ZFPM2: variants seen among roughly 807,000 people sequenced by gnomAD.
ZFPM2 encodes the protein zinc finger protein, FOG family member 2.
A neutral mutation model predicts 98.6 loss-of-function variants in ZFPM2; 20 were observed. That is an observed-to-expected ratio of 0.20 (90% CI 0.14 to 0.29). The LOEUF (loss-of-function observed/expected upper bound fraction) is 0.29, where lower values mean the gene tolerates loss of function less well. Ranked by LOEUF, ZFPM2 falls within the 10% of genes least tolerant of loss-of-function variation. The pLI, the probability that ZFPM2 is intolerant of heterozygous loss-of-function variation, is 1.00. For missense variants in ZFPM2, 1,310 were observed against 1,388.6 expected, an observed-to-expected ratio of 0.94 and a Z score of 0.90; for synonymous variants, 518 against 502.7, an observed-to-expected ratio of 1.03 and a Z score of -0.41.
chr8:105,712,406 C>A (rs561709505), intron 5 of ZFPM2, among the ~76,000 whole-genome samples: 1 of 152,008 alleles, frequency 6.6e-6, no homozygotes. Flanking sequence ...TTGGAGGCAA[C>A]CTTCATCAAA....
At chr8:105,658,306 CGGCCGGGCGCGG>C (rs1817323246) in intron 5 of ZFPM2, among the ~76,000 whole-genome samples, 1 of 123,170 alleles carries the variant, frequency 8.1e-6, no homozygotes, top group African/African-American at 3.3e-5. Flanking sequence ...TCAAAGCAGA[CGGCCGGGCGCGG>C]TGGCTCACGC....
chr8:105,617,113 GCTCTAGAA>G (rs1816437399), intron 4 of ZFPM2, among the ~76,000 whole-genome samples: 1 of 144,250 alleles, frequency 6.9e-6, no homozygotes, highest in Non-Finnish European at 1.5e-5. Flanking sequence ...AAGCAATGTG[GCTCTAGAA>G]CTTAGCCACT....
intron 5 of ZFPM2, among the ~76,000 whole-genome samples, chr8:105,740,791 A>G (rs1443628738): frequency 2.0e-5 from 3 of 152,012 alleles, no homozygotes; most frequent in African/African-American, 7.2e-5. Flanking sequence ...AAAGAAGATG[A>G]TAAACAAATC....
At chr8:105,494,227 A>ATATATATATATATATATATAT (rs56993483) in intron 3 of ZFPM2, among the ~76,000 whole-genome samples, 1 of 127,642 alleles carries the variant, frequency 7.8e-6, no homozygotes, top group Admixed American at 8.2e-5. Context: ...ATATATATAT[A>ATATATATATATATATATATAT]ATCTCAAACT....
intron 5 of ZFPM2, chr8:105,678,405 A>G (rs1412614559): frequency 2.0e-5 from 3 of 152,138 alleles, no homozygotes; most frequent in Admixed American, 6.5e-5. Flanking sequence ...TAAAAATATA[A>G]TCTGATTGAG....
chr8:105,489,466 A>ATATATATATATTT (rs1554610604), intron 3 of ZFPM2, among the ~76,000 whole-genome samples: 2 of 119,810 alleles, frequency 1.7e-5, no homozygotes, highest in African/African-American at 7.2e-5. Flanking sequence ...ATATATATAT[A>ATATATATATATTT]TTTTTTTTTT....
At chr8:105,406,782 A>G (rs753956983) in intron 1 of ZFPM2, among the ~76,000 whole-genome samples, 1 of 151,968 alleles carries the variant, frequency 6.6e-6, no homozygotes, top group Non-Finnish European at 1.5e-5. Context: ...TATATTACAC[A>G]CTATAAAGTT....
chr8:105,452,861 C>T (rs1364623132), intron 3 of ZFPM2, among the ~76,000 whole-genome samples: 2 of 152,212 alleles, frequency 1.3e-5, no homozygotes, highest in East Asian at 3.9e-4. Context: ...TTCCTTGTAC[C>T]AGTATTGTGC....
chr8:105,339,966 G>A (rs1474942986), intron 1 of ZFPM2, among the ~76,000 whole-genome samples: 1 of 151,864 alleles, frequency 6.6e-6, no homozygotes, highest in Non-Finnish European at 1.5e-5. Context: ...GTTAACTTAA[G>A]GTCTGTTGTT....
At chr8:105,325,733 G>A (rs887041261) in intron 1 of ZFPM2, among the ~76,000 whole-genome samples, 4 of 151,602 alleles carry the variant, frequency 2.6e-5, no homozygotes, top group South Asian at 2.1e-4. Context: ...TATTAATGCC[G>A]AGAGGCTTGT....
chr8:105,668,942 T>C (rs1277526386), intron 5 of ZFPM2, among the ~76,000 whole-genome samples: 1 of 152,192 alleles, frequency 6.6e-6, no homozygotes, highest in African/African-American at 2.4e-5. Flanking sequence ...ATTGGTAAAC[T>C]AGTTGATGGA....
At chr8:105,790,546 CT>C (rs1813578046) in intron 6 of ZFPM2, among the ~76,000 whole-genome samples, 1 of 151,584 alleles carries the variant, frequency 6.6e-6, no homozygotes, top group Admixed American at 6.6e-5. Flanking sequence ...CAGCTTTGTT[CT>C]TTTGGCTTAG....
At chr8:105,435,128 TA>T (rs1292631136) in intron 2 of ZFPM2, among the ~76,000 whole-genome samples, 1 of 152,196 alleles carries the variant, frequency 6.6e-6, no homozygotes, top group Non-Finnish European at 1.5e-5. Context: ...TATTGCTCAA[TA>T]ACACCTTCAA....
At chr8:105,552,749 T>C (rs971136486) in intron 3 of ZFPM2, among the ~76,000 whole-genome samples, 1 of 152,014 alleles carries the variant, frequency 6.6e-6, no homozygotes, top group African/African-American at 2.4e-5. Context: ...ATAAAACTTA[T>C]TTTGTATGCA....
intron 5 of ZFPM2, among the ~76,000 whole-genome samples, chr8:105,746,241 G>A (rs1812341333): frequency 6.6e-6 from 1 of 151,798 alleles, no homozygotes; most frequent in African/African-American, 2.4e-5. Context: ...GTGTCAAATA[G>A]AGACTGTTTG....
intron 5 of ZFPM2, among the ~76,000 whole-genome samples, chr8:105,708,698 C>T (rs544428703): frequency 3.9e-5 from 6 of 152,166 alleles, no homozygotes; most frequent in Non-Finnish European, 7.3e-5. Flanking sequence ...CCCGCCTCGG[C>T]CTTCCATAGT....
At chr8:105,600,671 C>T (rs978288140) in intron 4 of ZFPM2, among the ~76,000 whole-genome samples, 2 of 151,418 alleles carry the variant, frequency 1.3e-5, no homozygotes, top group African/African-American at 4.9e-5. Flanking sequence ...TGTTTAAACC[C>T]TTTTTGCCTT....
At chr8:105,667,358 C>T (rs1355310113) in intron 5 of ZFPM2, among the ~76,000 whole-genome samples, 1 of 152,050 alleles carries the variant, frequency 6.6e-6, no homozygotes, top group Non-Finnish European at 1.5e-5. Context: ...GGAAGATCTG[C>T]ATAACTCAGT....
chr8:105,353,658 T>TATATA (rs1312281225), intron 1 of ZFPM2, among the ~76,000 whole-genome samples: 1 of 152,224 alleles, frequency 6.6e-6, no homozygotes, highest in Non-Finnish European at 1.5e-5. Flanking sequence ...GATAGTTAAA[T>TATATA]ATATAACTGG....
Sources: allele counts gnomAD v4.1 joint callset (sites outside exome capture counted in the v4.1 genomes callset), GRCh38; gene constraint gnomAD v4.1.1; transcripts MANE v1.5; gene names NCBI Gene and HGNC (gene_info 2026-07-23, HGNC 2026-07-21).